RNF4: variants seen among roughly 807,000 people sequenced by gnomAD.
RNF4 encodes the protein ring finger protein 4, also known as E3 ubiquitin-protein ligase RNF4.
RNF4 carries 7 observed loss-of-function variants against 24.3 expected under a neutral mutation model. The observed-to-expected ratio is 0.29, with a 90% confidence interval of 0.16 to 0.54. The LOEUF (loss-of-function observed/expected upper bound fraction) is 0.54. Ranked by LOEUF, RNF4 falls within the 20% of genes least tolerant of loss-of-function variation. The pLI is 0.95. For missense variants in RNF4, 209 were observed against 248.5 expected (o/e 0.84, Z 1.07); for synonymous variants, 83 against 84.3 (o/e 0.98, Z 0.09).
chr4:2,473,563 A>T (rs972993490), intron 1 of RNF4, among the ~76,000 whole-genome samples: 30 of 152,204 alleles, frequency 2.0e-4, no homozygotes, highest in African/African-American at 7.2e-4. Flanking sequence ...CTGTAATCTC[A>T]GCACTTTGGG....
intron 2 of RNF4, among the ~76,000 whole-genome samples, chr4:2,492,438 G>A (rs919752099): frequency 6.6e-6 from 1 of 152,202 alleles, no homozygotes; most frequent in Non-Finnish European, 1.5e-5. Context: ...CCCTGTCCCA[G>A]TTTATTCTCT....
At chr4:2,506,742 T>C (rs1028625556) in intron 4 of RNF4, among the ~76,000 whole-genome samples, 2 of 152,030 alleles carry the variant, frequency 1.3e-5, no homozygotes, top group African/African-American at 4.8e-5. Context: ...TGATTTTTTA[T>C]ATTTTTTTGG....
chr4:2,470,278 A>G (rs951090503), intron 1 of RNF4, among the ~76,000 whole-genome samples: 2 of 152,190 alleles, frequency 1.3e-5, no homozygotes, highest in Admixed American at 6.5e-5. Flanking sequence ...CCTACCTGCA[A>G]GATTTGGGTT....
At chr4:2,508,691 A>G (rs1049559334) in intron 4 of RNF4, among the ~76,000 whole-genome samples, 1 of 150,462 alleles carries the variant, frequency 6.6e-6, no homozygotes, top group Admixed American at 6.7e-5. Flanking sequence ...GCTCACCACA[A>G]CCTCCACCTC....
chr4:2,483,983 C>T (rs548949688), intron 1 of RNF4, among the ~76,000 whole-genome samples: 67 of 138,666 alleles, frequency 4.8e-4, no homozygotes, highest in African/African-American at 1.5e-3. Flanking sequence ...CCCACCACCA[C>T]ACCCAGCTAA....
intron 4 of RNF4, among the ~76,000 whole-genome samples, chr4:2,506,806 G>C (rs1736115541): frequency 6.6e-6 from 1 of 152,142 alleles, no homozygotes; most frequent in African/African-American, 2.4e-5. Flanking sequence ...CTGGGCTCAA[G>C]TGATCCTCCC....
chr4:2,501,909 C>A lies in RNF4; in HGVS notation c.204+1171C>A, dbSNP rs78627969. On this transcript the variant is annotated intron_variant, in intron 4 of 7. Transcript: ENST00000314289. ...GTTATACTGAGAAGTTTCAAGACTT[C>A]AATGCAAAGAAAAGGACAGGGATGG... Among the ~76,000 whole-genome samples the A allele has an allele frequency of 3.6e-3, 548 of 152,236 alleles. 1 individual carries two copies. Among genetic ancestry groups the A allele is most frequent in the African/African-American group, 0.01 (422 of 41,534 alleles).
chr4:2,497,086 C>T lies in RNF4; in HGVS notation c.89C>T (p.Ser30Phe). 1 of 1,609,478 alleles carries T rather than the reference C, an allele frequency of 6.2e-7. No individual in the cohort carries two copies. Among genetic ancestry groups the T allele is most frequent in the Non-Finnish European group, 8.5e-7 (1 of 1,178,006 alleles). The change falls in exon 3 of 8, where the codon TCC (serine) becomes TTC (phenylalanine). Residue 30 changes from serine to phenylalanine, a missense_variant. Physicochemically the swap from Ser to Phe is radical, Grantham distance 155. Transcript: ENST00000314289. ...TREATSTPEI[S>F]LEAEPIELVE... ...GAAGCAACCTCCACCCCCGAGATCT[C>T]CTTGGAAGCAGAACCCATAGAACTC...
At chr4:2,475,772 A>G (rs1020096654) in intron 1 of RNF4, among the ~76,000 whole-genome samples, 3 of 152,014 alleles carry the variant, frequency 2.0e-5, no homozygotes, top group South Asian at 2.1e-4. Context: ...TTACAGAACC[A>G]CTCTATAAGA....
At chr4:2,507,584 T>C (rs1479926321) in intron 4 of RNF4, among the ~76,000 whole-genome samples, 1 of 152,196 alleles carries the variant, frequency 6.6e-6, no homozygotes, top group African/African-American at 2.4e-5. Flanking sequence ...TGTGTCTTGG[T>C]GCCCTTGGCT....
rs1393198344 is a variant in RNF4 at position 2,512,603 on chromosome 4, A to G, written c.374+6A>G. 1.9e-6 allele frequency: 3 copies of G among 1,613,448 alleles called. No homozygotes were observed. The highest frequency in any genetic ancestry group is 2.5e-6 in the Non-Finnish European group (3 of 1,179,576). ...GAGGGCGCTACAGGCCTCAGGTACC[A>G]ACGTGCCCCCAGCTCTGCTGCCGCC... On this transcript the variant is annotated splice_donor_region_variant and intron_variant, in intron 6 of 7. Coordinates refer to ENST00000314289, the MANE Select transcript of RNF4 (RefSeq NM_002938.5). This position sits in a 1 kb window ranked among gnomAD's most constrained non-coding sequence, Gnocchi z 4.1.
In RNF4 at chr4:2,475,667, G is replaced by T. The variant is rs886595039; in HGVS notation, c.-158+6409G>T. On this transcript the variant is annotated intron_variant, in intron 1 of 7. Coordinates refer to ENST00000314289, the MANE Select transcript of RNF4 (RefSeq NM_002938.5). ...CCTGGCTAATTTTTAACAAAGTTTT[G>T]TAGACTGGGTCTTGCCCTTTTGTCC... Among the ~76,000 whole-genome samples, 3 of 152,100 alleles carry T rather than the reference G, an allele frequency of 2.0e-5. No individual in the cohort carries two copies. The South Asian group carries it at 6.2e-4, about 32-fold the overall frequency.
intron 1 of RNF4, among the ~76,000 whole-genome samples, chr4:2,470,448 C>A (rs1734867859): frequency 6.6e-6 from 1 of 152,164 alleles, no homozygotes; most frequent in Non-Finnish European, 1.5e-5. Flanking sequence ...ATTCGAGTAG[C>A]AAGATATATT....
chr4:2,472,480 A>G (rs1070969), intron 1 of RNF4, among the ~76,000 whole-genome samples: 128,571 of 151,972 alleles, frequency 0.85, 54,460 homozygotes, highest in South Asian at 0.9. Context: ...GGCTGAGCAC[A>G]GTGGCTCATG....
intron 2 of RNF4, among the ~76,000 whole-genome samples, chr4:2,495,434 G>T (rs1450728365): frequency 2.6e-5 from 4 of 152,096 alleles, no homozygotes; most frequent in Admixed American, 2.6e-4. Flanking sequence ...CCGTCTCTGC[G>T]CAGTACTTTA....
intron 1 of RNF4, among the ~76,000 whole-genome samples, chr4:2,471,622 T>A (rs927484855): frequency 6.6e-6 from 1 of 152,216 alleles, no homozygotes; most frequent in Non-Finnish European, 1.5e-5. Context: ...TTAGCCAAGT[T>A]GTGAATGCAG....
chr4:2,511,828 G>A, intron 4 of RNF4, 128 bp from the exon 5 acceptor site: 1 of 885,240 alleles, frequency 1.1e-6, no homozygotes, highest in Non-Finnish European at 1.8e-6. Context: ...AGGAGGGTGG[G>A]GCCTCTGCTG....
Position 2,515,415 on chromosome 4 carries a change from G to A in RNF4, c.*1596G>A, listed in dbSNP as rs1260138619. 2 of 152,546 alleles carry A rather than the reference G, an allele frequency of 1.3e-5. No individual in the cohort carries two copies. The highest frequency in any genetic ancestry group is 1.3e-4 in the Admixed American group (2 of 15,278). The allele number at this position is 152,546 out of a possible 1,614,324, so 9.4% of individuals were successfully genotyped here. On this transcript the variant is annotated 3_prime_UTR_variant, in exon 8 of 8. Transcript: ENST00000314289. ...GGAGTTGAAGAGGGCAGAATCCGCA[G>A]CTCTCATCATTGTGATGTGTAGCAT...
intron 1 of RNF4, among the ~76,000 whole-genome samples, chr4:2,481,752 G>T (rs1735251981): frequency 6.6e-6 from 1 of 152,050 alleles, no homozygotes; most frequent in African/African-American, 2.4e-5. Context: ...CTATCACCGA[G>T]GCAGGAGTGC....
Sources: allele counts gnomAD v4.1 joint callset (sites outside exome capture counted in the v4.1 genomes callset), GRCh38; gene constraint gnomAD v4.1.1; non-coding constraint Gnocchi (gnomAD v3.1); transcripts MANE v1.5; gene names NCBI Gene and HGNC (gene_info 2026-07-23, HGNC 2026-07-21).